The following PDE1B variants were observed in gnomAD, a reference collection of about 807,000 sequenced individuals.
The protein encoded by PDE1B is dual specificity calcium/calmodulin-dependent 3',5'-cyclic nucleotide phosphodiesterase 1B.
PDE1B carries 13 observed loss-of-function variants against 66.7 expected under a neutral mutation model. The ratio of observed to expected loss-of-function variants is 0.19; its 90% CI spans 0.13 to 0.31. The LOEUF (loss-of-function observed/expected upper bound fraction) is 0.31. Ranked by LOEUF, PDE1B falls within the 10% of genes least tolerant of loss-of-function variation. The probability of loss-of-function intolerance (pLI) is 1.00; values close to 1 mark genes in which losing one functional copy is unlikely to be tolerated. For synonymous variants in PDE1B, 230 were observed against 253.9 expected (o/e 0.91, Z 0.90); for missense variants, 485 against 682.3 (o/e 0.71, Z 3.22).
intron 15 of PDE1B, 146 bp downstream of exon 15, chr12:54,577,491 A>T: frequency 6.3e-7 from 1 of 1,595,440 alleles, no homozygotes; most frequent in Middle Eastern, 1.7e-4. Context: ...GAATGGAGCC[A>T]AAGTGTGGGT....
intron 7 of PDE1B, among the ~76,000 whole-genome samples, 180 bp downstream of exon 7, chr12:54,572,921 T>C (rs551636415): frequency 3.3e-5 from 5 of 152,318 alleles, no homozygotes; most frequent in African/African-American, 4.8e-5. Flanking sequence ...CTAAAACTCG[T>C]TGGACAGTGC....
At chr12:54,576,800 C>A in intron 14 of PDE1B, 99 bp downstream of exon 14, 4 of 1,305,658 alleles carry the variant, frequency 3.1e-6, no homozygotes, top group Admixed American at 2.0e-5. Flanking sequence ...AAACCCTTTG[C>A]CGGACTCCTT....
In PDE1B at chr12:54,573,198, C is replaced by G. The variant is rs1238212568; in HGVS notation, c.786C>G (p.Ile262Met). 2 of 1,613,972 alleles carry G rather than the reference C, an allele frequency of 1.2e-6. No individual in the cohort carries two copies. The highest frequency in any genetic ancestry group is 2.7e-5 in the African/African-American group (2 of 74,898). Residue 262 changes from isoleucine (I) to methionine (M), a missense_variant, in exon 8 of 16, where the codon ATC becomes ATG. Ile to Met is a conservative substitution (Grantham distance 10, BLOSUM62 1). Transcript: ENST00000243052. The surrounding 1 kb of genome is among the most constrained non-coding windows in gnomAD (Gnocchi z 5.2). ...ELLAIIFAAA[I>M]HDYEHTGTTN... ...TGGCCATCATCTTTGCTGCAGCTAT[C>G]CATGATTATGAGCACACGGGCACTA...
At chr12:54,576,757 A>C in intron 14 of PDE1B, 56 bp downstream of exon 14, 1 of 1,536,850 alleles carries the variant, frequency 6.5e-7, no homozygotes, top group Non-Finnish European at 8.8e-7. Flanking sequence ...ATCATGGAGC[A>C]CTAGGAGGTC....
rs778263714 is a variant in PDE1B at position 54,573,297 on chromosome 12, G to A, written c.836+49G>A. ...GGCAGGAGGGGCCAAGAGGAGGTGG[G>A]GAGGTTGCCGGAGTCCCTCCTTACA... is the stretch of plus-strand genomic sequence containing the variant. On this transcript the variant is annotated intron_variant, in intron 8 of 15. Transcript: ENST00000243052. This position sits in a 1 kb window ranked among gnomAD's most constrained non-coding sequence, Gnocchi z 5.2. 17 of 1,613,294 alleles carry A rather than the reference G, an allele frequency of 1.1e-5. No individual in the cohort carries two copies. Among genetic ancestry groups the A allele is most frequent in the Non-Finnish European group, 1.3e-5 (15 of 1,179,360 alleles).
At chr12:54,574,929 T>C in intron 10 of PDE1B, 169 bp from the exon 11 acceptor site, 1 of 509,166 alleles carries the variant, frequency 2.0e-6, no homozygotes. Context: ...GAGCTGAGAT[T>C]GTGCCACTGC....
At chr12:54,565,142 G>T (rs1356491385) in intron 2 of PDE1B, among the ~76,000 whole-genome samples, 1 of 152,246 alleles carries the variant, frequency 6.6e-6, no homozygotes, top group Admixed American at 6.5e-5. Context: ...CAAAAGGTGG[G>T]TCGAGAAGGG....
At chr12:54,561,551 T>A (rs771454357) in intron 2 of PDE1B, 2 of 1,501,188 alleles carry the variant, frequency 1.3e-6, no homozygotes, top group East Asian at 5.1e-5. Context: ...GGGGTCAGGA[T>A]TTTGATACTC....
chr12:54,560,509 C>T (rs111283555), intron 2 of PDE1B, among the ~76,000 whole-genome samples: 2,327 of 152,318 alleles, frequency 0.015, 49 homozygotes, highest in African/African-American at 0.053. Context: ...CAGCTCTTCT[C>T]CTTAGCCCCG....
Position 54,575,848 on chromosome 12 carries a change from C to T in PDE1B, c.1268-144C>T. 1 of 759,798 alleles carries T rather than the reference C, an allele frequency of 1.3e-6. No individual in the cohort carries two copies. The highest frequency in any genetic ancestry group is 2.5e-5 in the East Asian group (1 of 40,544). 47.1% of individuals were successfully genotyped at this position (759,798 alleles called of 1,614,324 possible). A position where few individuals can be genotyped will look rare whatever the true frequency, so the allele number is the denominator to read the frequency against. ...CCAAGACATCATCCCAAAGCCTGCC[C>T]TGCATTGGGAAGTTTTCAGCCCCAG... is the stretch of plus-strand genomic sequence containing the variant. On this transcript the variant is annotated intron_variant, in intron 12 of 15. Coordinates refer to ENST00000243052, the MANE Select transcript of PDE1B (RefSeq NM_000924.4). This position sits in a 1 kb window ranked among gnomAD's most constrained non-coding sequence, Gnocchi z 4.0.
At chr12:54,566,389 T>C (rs1555174971) in intron 2 of PDE1B, among the ~76,000 whole-genome samples, 1 of 152,188 alleles carries the variant, frequency 6.6e-6, no homozygotes, top group Non-Finnish European at 1.5e-5. Flanking sequence ...TTTGCCTGCA[T>C]GGAGAGAGGC....
intron 2 of PDE1B, chr12:54,561,735 C>G: frequency 1.3e-6 from 1 of 789,362 alleles, no homozygotes; most frequent in South Asian, 1.6e-5. Context: ...GAGATCAAGA[C>G]CTGGCAGTCC....
intron 6 of PDE1B, chr12:54,570,639 C>T: frequency 2.6e-6 from 1 of 381,810 alleles, no homozygotes; most frequent in South Asian, 3.1e-5. Context: ...CTTGTCCTCT[C>T]TAGGCTGACT....
intron 2 of PDE1B, among the ~76,000 whole-genome samples, chr12:54,563,208 C>T (rs576907926): frequency 2.0e-5 from 3 of 152,292 alleles, no homozygotes; most frequent in South Asian, 2.1e-4. Flanking sequence ...ATGGGCCAAC[C>T]GACAGAATTA....
Position 54,550,213 on chromosome 12 carries a change from T to C in PDE1B, c.113+228T>C, listed in dbSNP as rs1053354877. The C allele has an allele frequency of 2.2e-6, 3 of 1,378,758 alleles. No individual in the cohort carries two copies. In the African/African-American group the frequency reaches 4.4e-5, roughly 20 times the overall value. 85.4% of individuals were successfully genotyped at this position (1,378,758 alleles called of 1,614,324 possible). ...GGCTTAGGAGTTGCAAAGGTAACGA[T>C]GTGCCTGTGCCTGTGGACCCCAGGC... On this transcript the variant is annotated intron_variant, in intron 2 of 15. Transcript: ENST00000243052.
chr12:54,572,729 C>T lies in PDE1B; in HGVS notation c.723C>T (p.Arg241=), dbSNP rs769046816. The change falls in exon 7 of 16, where the codon CGC becomes CGT. Residue 241 remains arginine, a synonymous_variant. Transcript: ENST00000243052. Reference sequence around the variant, plus strand: ...AGACAGTCCATTGCTTCTTGCTCCGCACAGGGATGGTGGTAGGTGCCCTGG... The same window carrying T: ...AGACAGTCCATTGCTTCTTGCTCCGTACAGGGATGGTGGTAGGTGCCCTGG... ...VTQTVHCFLL[R]TGMVHCLSEI... 1.9e-6 allele frequency: 3 copies of T among 1,614,152 alleles called. No individual in the cohort carries two copies. In the South Asian group the frequency reaches 3.3e-5, roughly 18 times the overall value.
At chr12:54,577,137 A>C in intron 14 of PDE1B, 88 bp from the exon 15 acceptor site, 5 of 1,093,922 alleles carry the variant, frequency 4.6e-6, no homozygotes, top group Non-Finnish European at 4.1e-6. Context: ...GATGGATGAG[A>C]ATCCCTTACA....
intron 2 of PDE1B, chr12:54,561,770 G>GTC (rs1555174461): frequency 3.7e-6 from 2 of 535,106 alleles, no homozygotes; most frequent in African/African-American, 3.9e-5. Context: ...GCGTGTGTGT[G>GTC]TGTGTGTGTG....
At chr12:54,577,687 A>C (rs979437670) in intron 15 of PDE1B, 173 bp from the exon 16 acceptor site, 7 of 847,028 alleles carry the variant, frequency 8.3e-6, no homozygotes, top group Non-Finnish European at 1.2e-5. Context: ...AGGGCAGCTG[A>C]ACGTGACTTC....
Sources: allele counts gnomAD v4.1 joint callset (sites outside exome capture counted in the v4.1 genomes callset), GRCh38; gene constraint gnomAD v4.1.1; non-coding constraint Gnocchi (gnomAD v3.1); transcripts MANE v1.5; gene names NCBI Gene and HGNC (gene_info 2026-07-23, HGNC 2026-07-21).